Variants in CAST observed in about 807,000 individuals in gnomAD.
CAST encodes the protein MIR583 host.
In CAST, 76 loss-of-function variants were observed where a neutral mutation model predicts 119.6. The ratio of observed to expected loss-of-function variants is 0.64; its 90% CI spans 0.53 to 0.77. CAST has a LOEUF of 0.77. Ranked by LOEUF, CAST falls within the 30% of genes least tolerant of loss-of-function variation. The probability of loss-of-function intolerance (pLI) is 0.00; values close to 1 mark genes in which losing one functional copy is unlikely to be tolerated. For synonymous variants in CAST, 319 were observed against 331.6 expected, an observed-to-expected ratio of 0.96 and a Z score of 0.41; for missense variants, 953 against 946.5, an observed-to-expected ratio of 1.01 and a Z score of -0.09.
At chr5:96,011,566 A>C in the CAST span, among the ~76,000 whole-genome samples, 2 of 152,142 alleles carry the variant, frequency 1.3e-5, no homozygotes, top group Non-Finnish European at 2.9e-5. Context: ...CTGTTCCATT[A>C]ATGTATTCTC....
At chr5:96,220,821 A>C in the CAST span, among the ~76,000 whole-genome samples, 1 of 152,158 alleles carries the variant, frequency 6.6e-6, no homozygotes, top group Admixed American at 6.5e-5. Flanking sequence ...GAGTTTAGTA[A>C]GTTGTTTGAA....
the CAST span, among the ~76,000 whole-genome samples, chr5:96,421,160 T>G: frequency 3.9e-5 from 6 of 152,220 alleles, no homozygotes; most frequent in African/African-American, 1.4e-4. Context: ...GAAAGTCTCT[T>G]GCCTCTGGGT....
At chr5:96,250,542 A>G in the CAST span, among the ~76,000 whole-genome samples, 1,147 of 152,268 alleles carry the variant, frequency 7.5e-3, 11 homozygotes, top group African/African-American at 0.025. Context: ...CACATTAATG[A>G]CAACTCCTGC....
At chr5:96,395,021 C>T in the CAST span, 1 of 1,611,738 alleles carries the variant, frequency 6.2e-7, no homozygotes, top group Non-Finnish European at 8.5e-7. Context: ...TTGAATTCTT[C>T]CAGACTAACA....
the CAST span, among the ~76,000 whole-genome samples, chr5:96,371,848 AG>A: frequency 3.3e-5 from 5 of 152,334 alleles, no homozygotes; most frequent in East Asian, 9.6e-4. Flanking sequence ...CCTTAAACAC[AG>A]CAGGATTTAT....
the CAST span, among the ~76,000 whole-genome samples, chr5:96,291,896 G>A: frequency 6.7e-6 from 1 of 150,052 alleles, no homozygotes; most frequent in Non-Finnish European, 1.5e-5. Flanking sequence ...GGTGGGGAAG[G>A]TGTGCCGATG....
At chr5:96,241,843 T>A in the CAST span, among the ~76,000 whole-genome samples, 1 of 150,338 alleles carries the variant, frequency 6.7e-6, no homozygotes, top group Non-Finnish European at 1.5e-5. Context: ...CATGTGTTTT[T>A]TGGCTGCATA....
chr5:96,057,308 C>T, the CAST span, among the ~76,000 whole-genome samples: 1 of 152,184 alleles, frequency 6.6e-6, no homozygotes. Context: ...GCAGAGCCGT[C>T]TCTGCTGGCT....
chr5:96,504,317 C>G, the CAST span, among the ~76,000 whole-genome samples: 1 of 152,156 alleles, frequency 6.6e-6, no homozygotes, highest in African/African-American at 2.4e-5. Flanking sequence ...TTCCCATACA[C>G]GATGGCAGTT....
At chr5:96,137,184 T>C in the CAST span, among the ~76,000 whole-genome samples, 26 of 152,334 alleles carry the variant, frequency 1.7e-4, no homozygotes, top group African/African-American at 6.3e-4. Flanking sequence ...GCTTCAGTTG[T>C]ATGAGCCCCC....
chr5:96,272,501 G>A, the CAST span, among the ~76,000 whole-genome samples: 1 of 152,136 alleles, frequency 6.6e-6, no homozygotes, highest in Admixed American at 6.5e-5. Context: ...GTGAAATAAC[G>A]GAAAGACAAA....
intron 3 of CAST, among the ~76,000 whole-genome samples, chr5:96,708,024 T>C (rs962566129): frequency 1.3e-5 from 2 of 152,324 alleles, no homozygotes; most frequent in Middle Eastern, 3.4e-3. Context: ...TTTTTCCTTA[T>C]TGTGAATGTA....
chr5:96,339,045 A>T, the CAST span, among the ~76,000 whole-genome samples: 1 of 152,178 alleles, frequency 6.6e-6, no homozygotes, highest in African/African-American at 2.4e-5. Flanking sequence ...GGAAGAAAAA[A>T]GTAGCAAAAC....
the CAST span, among the ~76,000 whole-genome samples, chr5:96,202,762 A>G: frequency 1.3e-5 from 2 of 152,056 alleles, no homozygotes; most frequent in Non-Finnish European, 2.9e-5. Context: ...TGAAAATTAG[A>G]TCTTTTTCCC....
At chr5:96,320,910 C>T in the CAST span, among the ~76,000 whole-genome samples, 1 of 152,136 alleles carries the variant, frequency 6.6e-6, no homozygotes, top group African/African-American at 2.4e-5. Context: ...GATAGTCCCC[C>T]TTCCCCCAGA....
At chr5:96,558,856 A>T (rs1331876072) in intron 1 of CAST, among the ~76,000 whole-genome samples, 1 of 152,190 alleles carries the variant, frequency 6.6e-6, no homozygotes, top group Non-Finnish European at 1.5e-5. Flanking sequence ...AACTCATTTT[A>T]TGAGGCCAGC....
At chr5:96,653,809 A>T (rs960921201) in intron 1 of CAST, among the ~76,000 whole-genome samples, 1 of 152,150 alleles carries the variant, frequency 6.6e-6, no homozygotes, top group Non-Finnish European at 1.5e-5. Context: ...AAAGACTGAA[A>T]AGCAAAATAA....
the CAST span, among the ~76,000 whole-genome samples, chr5:96,161,458 T>C: frequency 7.9e-5 from 12 of 152,332 alleles, no homozygotes; most frequent in East Asian, 2.1e-3. Flanking sequence ...AAATGATTTA[T>C]AGCTGAATCC....
chr5:96,045,691 C>G, the CAST span, among the ~76,000 whole-genome samples: 1 of 152,048 alleles, frequency 6.6e-6, no homozygotes, highest in Non-Finnish European at 1.5e-5. Context: ...ATTATCATCC[C>G]TATTTTAGAG....
Sources: gnomAD v4.1 joint callset for allele counts (sites outside exome capture counted in the v4.1 genomes callset) on GRCh38, gnomAD v4.1.1 for gene constraint, MANE v1.5 for transcripts, NCBI Gene and HGNC (gene_info 2026-07-23, HGNC 2026-07-21) for gene names.